Variants in GALNT13 observed in about 807,000 individuals in gnomAD.
GALNT13 encodes UDP-GalNAc:polypeptide N-acetylgalactosaminyltransferase 13.
A neutral mutation model predicts 64.2 loss-of-function variants in GALNT13; 28 were observed. The observed-to-expected ratio is 0.44, with a 90% CI of 0.32 to 0.60. GALNT13 has a LOEUF of 0.60. GALNT13 is among the 20% of genes least tolerant of loss of function. GALNT13 has a pLI of 0.05. For synonymous variants in GALNT13, 214 were observed against 224.6 expected, an observed-to-expected ratio of 0.95 and a Z score of 0.42; for missense variants, 577 against 669.8, an observed-to-expected ratio of 0.86 and a Z score of 1.53.
chr2:154,136,527 G>T (rs931747746), intron 3 of GALNT13, among the ~76,000 whole-genome samples: 1 of 152,022 alleles, frequency 6.6e-6, no homozygotes, highest in African/African-American at 2.4e-5. Flanking sequence ...AGCAAATAAT[G>T]CAATTGATAA....
chr2:153,700,398 A>T, the GALNT13 span, among the ~76,000 whole-genome samples: 1 of 152,352 alleles, frequency 6.6e-6, no homozygotes, highest in East Asian at 1.9e-4. Flanking sequence ...CTGATTGGGC[A>T]AAAGCTGGAA....
intron 3 of GALNT13, among the ~76,000 whole-genome samples, chr2:154,017,433 A>T (rs1340474296): frequency 6.6e-6 from 1 of 152,178 alleles, no homozygotes; most frequent in Non-Finnish European, 1.5e-5. Flanking sequence ...GGTTAATATG[A>T]TATTAAAATG....
chr2:154,016,600 T>C (rs1487779938), intron 3 of GALNT13, among the ~76,000 whole-genome samples: 1 of 151,982 alleles, frequency 6.6e-6, no homozygotes, highest in Admixed American at 6.5e-5. Context: ...GAATTTTTAG[T>C]AGAGACGAGG....
chr2:154,155,541 C>A (rs929031819), intron 4 of GALNT13, among the ~76,000 whole-genome samples: 3 of 151,868 alleles, frequency 2.0e-5, no homozygotes, highest in Non-Finnish European at 4.4e-5. Flanking sequence ...TGTTCTAATG[C>A]CAGCTTACAA....
At chr2:153,715,456 C>T in the GALNT13 span, among the ~76,000 whole-genome samples, 1 of 152,240 alleles carries the variant, frequency 6.6e-6, no homozygotes, top group African/African-American at 2.4e-5. Context: ...GTGACTGGTG[C>T]ATTGCCTTTT....
In GALNT13 at chr2:154,396,076, A is replaced by G. The variant is rs1277334642; in HGVS notation, c.1242A>G (p.Leu414=). 6 of 1,611,240 alleles carry G rather than the reference A, an allele frequency of 3.7e-6. No individual in the cohort carries two copies. Among genetic ancestry groups the G allele is most frequent in the Non-Finnish European group, 3.4e-6 (4 of 1,178,472 alleles). The stretch of plus-strand genomic sequence containing the variant: ...AGTGTAAGCCCTTTTCTTGGTACCT[A>G]GAAAACATCTATCCGGACTCCCAGA... The part of the protein sequence containing the change: ...NLKCKPFSWY[L]ENIYPDSQIP... Residue 414 remains leucine (L), a synonymous_variant, in exon 10 of 13, where the codon CTA becomes CTG. Transcript: ENST00000392825.
chr2:154,161,811 C>T (rs148558595), intron 4 of GALNT13, among the ~76,000 whole-genome samples: 6 of 150,808 alleles, frequency 4.0e-5, no homozygotes, highest in East Asian at 1.9e-4. Context: ...CAGACGGTCT[C>T]GCTCTGTTGC....
At chr2:153,253,846 G>A in the GALNT13 span, among the ~76,000 whole-genome samples, 1 of 152,028 alleles carries the variant, frequency 6.6e-6, no homozygotes, top group African/African-American at 2.4e-5. Flanking sequence ...ATAAGTTTTT[G>A]ATGTGCTGCT....
At chr2:153,238,665 T>C in the GALNT13 span, among the ~76,000 whole-genome samples, 1 of 149,446 alleles carries the variant, frequency 6.7e-6, no homozygotes, top group Non-Finnish European at 1.5e-5. Context: ...TCTCTGTGGG[T>C]TCTCTATTCT....
At position 154,450,577 on chromosome 2, in the gene GALNT13, G is replaced by C. The variant is rs955279811; in HGVS notation, c.*26G>C. On this transcript the variant is annotated 3_prime_UTR_variant, in exon 13 of 13. Coordinates refer to ENST00000392825, the MANE Select transcript of GALNT13 (RefSeq NM_052917.4). ...AGATCATGTCCTCCAAGCCATGAAA[G>C]TGTCTACGCTTTTGTTTTTCCATTA... 1.3e-6 allele frequency: 2 copies of C among 1,547,426 alleles called. No homozygotes were observed. Among genetic ancestry groups the C allele is most frequent in the Non-Finnish European group, 1.7e-6 (2 of 1,150,206 alleles).
the GALNT13 span, among the ~76,000 whole-genome samples, chr2:153,591,779 T>G: frequency 6.6e-6 from 1 of 151,980 alleles, no homozygotes. Context: ...AAAAAATTTA[T>G]GATGAAGATT....
At chr2:153,317,062 A>C in the GALNT13 span, among the ~76,000 whole-genome samples, 1 of 152,194 alleles carries the variant, frequency 6.6e-6, no homozygotes, top group Non-Finnish European at 1.5e-5. Context: ...CTACCTACAT[A>C]TAGTTTTCTC....
intron 3 of GALNT13, among the ~76,000 whole-genome samples, chr2:154,125,242 G>A (rs1048764702): frequency 3.9e-5 from 6 of 152,092 alleles, no homozygotes; most frequent in Non-Finnish European, 5.9e-5. Flanking sequence ...TTTTCTAGTG[G>A]TACTAGCGAG....
At chr2:153,803,665 C>T in the GALNT13 span, among the ~76,000 whole-genome samples, 4 of 132,374 alleles carry the variant, frequency 3.0e-5, no homozygotes, top group Admixed American at 2.7e-4. Flanking sequence ...GCACTCCAGC[C>T]TGGGCGACAG....
At chr2:153,401,533 G>C in the GALNT13 span, among the ~76,000 whole-genome samples, 1 of 148,878 alleles carries the variant, frequency 6.7e-6, no homozygotes, top group Admixed American at 6.7e-5. Context: ...GGGTGTTAAA[G>C]TCTCCCATTA....
chr2:153,844,872 T>G, the GALNT13 span, among the ~76,000 whole-genome samples: 1 of 152,200 alleles, frequency 6.6e-6, no homozygotes, highest in South Asian at 2.1e-4. Context: ...TCCCTAGGCA[T>G]GAACACAGTG....
chr2:153,433,594 A>G, the GALNT13 span, among the ~76,000 whole-genome samples: 1 of 152,110 alleles, frequency 6.6e-6, no homozygotes, highest in Non-Finnish European at 1.5e-5. Flanking sequence ...TTTTTTAATT[A>G]CAGAGTCAGC....
chr2:153,207,983 A>G, the GALNT13 span: 1 of 152,204 alleles, frequency 6.6e-6, no homozygotes, highest in Admixed American at 6.5e-5. Context: ...TTAAAGGACT[A>G]AAACATCCAG....
chr2:154,131,232 C>T (rs1226588003), intron 3 of GALNT13, among the ~76,000 whole-genome samples: 2 of 145,222 alleles, frequency 1.4e-5, no homozygotes, highest in Non-Finnish European at 2.9e-5. Flanking sequence ...ATGTGCCAAA[C>T]AACCTCTTAT....
Sources: gnomAD v4.1 joint callset for allele counts (sites outside exome capture counted in the v4.1 genomes callset) on GRCh38, gnomAD v4.1.1 for gene constraint, MANE v1.5 for transcripts, NCBI Gene and HGNC (gene_info 2026-07-23, HGNC 2026-07-21) for gene names.